Variants in TNIP1 observed in about 807,000 individuals in gnomAD.
The protein encoded by TNIP1 is TNFAIP3-interacting protein 1.
TNIP1 carries 22 observed loss-of-function variants against 86.6 expected under a neutral mutation model. The ratio of observed to expected loss-of-function variants is 0.25; its 90% CI spans 0.18 to 0.36. The LOEUF is 0.36. Among genes scored for constraint, TNIP1 ranks in the 10% least tolerant of loss-of-function variants. TNIP1 has a pLI of 1.00. For missense variants in TNIP1, 709 were observed against 820.6 expected, an observed-to-expected ratio of 0.86 and a Z score of 1.66; for synonymous variants, 294 against 313.0, an observed-to-expected ratio of 0.94 and a Z score of 0.64.
At chr5:151,077,164 A>G (rs1229774644) in intron 1 of TNIP1, among the ~76,000 whole-genome samples, 3 of 152,348 alleles carry the variant, frequency 2.0e-5, no homozygotes, top group South Asian at 4.1e-4. Context: ...AAAATGAGTG[A>G]TTGAAATAGA....
At chr5:151,085,698 C>G (rs765260101), upstream of TNIP1, among the ~76,000 whole-genome samples, 85 of 151,756 alleles carry the variant, frequency 5.6e-4, no homozygotes, top group Admixed American at 1.2e-3. Flanking sequence ...GTCTCTCCCC[C>G]TGGCCTCTCC....
At chr5:151,044,320 G>A (rs1485231869) in intron 9 of TNIP1, among the ~76,000 whole-genome samples, 1 of 152,112 alleles carries the variant, frequency 6.6e-6, no homozygotes, top group Non-Finnish European at 1.5e-5. Context: ...GGGATTACAG[G>A]TGTGAGCCAC....
Position 151,035,670 on chromosome 5 carries a change from C to A in TNIP1, c.1433G>T (p.Ser478Ile), listed in dbSNP as rs151299745. The A allele has an allele frequency of 6.2e-7, 1 of 1,614,172 alleles. No homozygotes were observed. Among genetic ancestry groups the A allele is most frequent in the Non-Finnish European group, 8.5e-7 (1 of 1,180,038 alleles). The change falls in exon 14 of 18, where the codon AGT becomes ATT. Residue 478 changes from serine to isoleucine, a missense_variant. Transcript: ENST00000521591. ...IFEEDFQRER[S>I]DRERMNEEKE... ...CTCCTCATTCATGCGCTCACGATCA[C>A]TGCGCTCCCTCTGGAAGTCCTCCTC...
chr5:151,059,625 G>A (rs535842409), intron 5 of TNIP1, among the ~76,000 whole-genome samples: 1 of 152,158 alleles, frequency 6.6e-6, no homozygotes, highest in African/African-American at 2.4e-5. Flanking sequence ...AATTTAAGTC[G>A]TTTAAAGAAT....
At chr5:151,052,804 G>A (rs965634361) in intron 6 of TNIP1, among the ~76,000 whole-genome samples, 9 of 152,092 alleles carry the variant, frequency 5.9e-5, no homozygotes, top group East Asian at 1.9e-4. Flanking sequence ...CTGAGCTCCC[G>A]GAGGGCTGGG....
chr5:151,045,227 T>A (rs1186860181), intron 9 of TNIP1, among the ~76,000 whole-genome samples: 1 of 152,094 alleles, frequency 6.6e-6, no homozygotes, highest in African/African-American at 2.4e-5. Flanking sequence ...GTGGGTGGGA[T>A]TACAGGCATG....
At chr5:151,070,384 T>C (rs35736924) in intron 1 of TNIP1, among the ~76,000 whole-genome samples, 3,164 of 152,328 alleles carry the variant, frequency 0.021, 45 homozygotes, top group South Asian at 0.057. Flanking sequence ...CCAGCTTATC[T>C]AAGGGCCAAG....
At chr5:151,039,372 T>A in intron 11 of TNIP1, 147 bp from the exon 12 acceptor site, 1 of 772,982 alleles carries the variant, frequency 1.3e-6, no homozygotes, top group Non-Finnish European at 1.9e-6. Context: ...GTCGGTACAG[T>A]AATGTCCATC....
At chr5:151,073,259 G>A (rs1763019410) in intron 1 of TNIP1, among the ~76,000 whole-genome samples, 1 of 151,704 alleles carries the variant, frequency 6.6e-6, no homozygotes, top group Non-Finnish European at 1.5e-5. Context: ...GTTTGAGGAG[G>A]TGTGAGTTAC....
intron 1 of TNIP1, chr5:151,078,257 T>A (rs1763617841): frequency 6.6e-6 from 1 of 152,224 alleles, no homozygotes; most frequent in East Asian, 1.9e-4. Context: ...GGGAGAGCGC[T>A]AGGAGAGCAC....
intron 1 of TNIP1, among the ~76,000 whole-genome samples, chr5:151,065,397 G>A (rs10078061): frequency 0.02 from 3,001 of 152,202 alleles, 92 homozygotes; most frequent in African/African-American, 0.068. Context: ...ACAGTAGGGT[G>A]CAATGTGGGA....
At position 151,030,224 on chromosome 5, in the gene TNIP1, A is replaced by G. The variant is rs899191498; in HGVS notation, c.*489T>C. 1.1e-5 allele frequency: 5 copies of G among 444,474 alleles called. No individual in the cohort carries two copies. The highest frequency in any genetic ancestry group is 8.0e-5 in the African/African-American group (4 of 49,900). 27.5% of individuals were successfully genotyped at this position (444,474 alleles called of 1,614,324 possible). On this transcript the variant is annotated 3_prime_UTR_variant, in exon 18 of 18. Coordinates refer to ENST00000521591, the MANE Select transcript of TNIP1 (RefSeq NM_006058.5). Reference sequence around the variant, plus strand: ...TCATTCTCTTCTGTTCTGGAGACAAACCCACACTTCCCACAGCTCCTCACA... The same window carrying G: ...TCATTCTCTTCTGTTCTGGAGACAAGCCCACACTTCCCACAGCTCCTCACA...
At chr5:151,070,040 A>T (rs954688251) in intron 1 of TNIP1, among the ~76,000 whole-genome samples, 1 of 152,176 alleles carries the variant, frequency 6.6e-6, no homozygotes, top group Non-Finnish European at 1.5e-5. Context: ...CCTCACCTGC[A>T]CTAGCCTCAG....
At chr5:151,061,231 A>G (rs924503159) in intron 4 of TNIP1, among the ~76,000 whole-genome samples, 4 of 152,084 alleles carry the variant, frequency 2.6e-5, no homozygotes, top group Non-Finnish European at 5.9e-5. Flanking sequence ...CCTTCATCCC[A>G]GAAAGGGGCA....
intron 1 of TNIP1, among the ~76,000 whole-genome samples, chr5:151,074,427 A>C (rs1763153994): frequency 6.6e-6 from 1 of 152,170 alleles, no homozygotes; most frequent in Admixed American, 6.5e-5. Flanking sequence ...TGGTGGAAAG[A>C]GGGTTTCACA....
rs994289353 is a variant in TNIP1 at position 151,054,334 on chromosome 5, G to T, written c.628-2075C>A. ...GAGACTCTTGGGAAGGCTGAATGGA[G>T]GACACAGCCTTCAACTGGAGGTGGC... On this transcript the variant is annotated intron_variant, in intron 6 of 17. Transcript: ENST00000521591. Among the ~76,000 whole-genome samples the T allele has an allele frequency of 2.6e-5, 4 of 152,204 alleles. No homozygotes were observed. In the South Asian group the frequency reaches 8.3e-4, roughly 31 times the overall value.
intron 1 of TNIP1, among the ~76,000 whole-genome samples, chr5:151,086,704 A>G (rs1028207875): frequency 6.6e-6 from 1 of 152,210 alleles, no homozygotes; most frequent in African/African-American, 2.4e-5. Context: ...ACCCACATCC[A>G]TATTCACACT....
intron 1 of TNIP1, among the ~76,000 whole-genome samples, chr5:151,067,005 T>G (rs542762784): frequency 1.3e-5 from 2 of 152,134 alleles, no homozygotes; most frequent in African/African-American, 2.4e-5. Context: ...AAAGTTCTGA[T>G]GAGAAGGACC....
chr5:151,075,661 A>G (rs76957521), intron 1 of TNIP1, among the ~76,000 whole-genome samples: 1,744 of 152,366 alleles, frequency 0.011, 39 homozygotes, highest in African/African-American at 0.04. Context: ...CAGTTTCCTG[A>G]GGACCAGATC....
Sources: allele counts gnomAD v4.1 joint callset (sites outside exome capture counted in the v4.1 genomes callset), GRCh38; gene constraint gnomAD v4.1.1; transcripts MANE v1.5; gene names NCBI Gene and HGNC (gene_info 2026-07-23, HGNC 2026-07-21).